The following DCC variants were observed in gnomAD, a reference collection of about 807,000 sequenced individuals.
The protein encoded by DCC is netrin receptor DCC.
In DCC, 58 loss-of-function variants were observed where a neutral mutation model predicts 172.5. The ratio of observed to expected loss-of-function variants is 0.34; its 90% confidence interval spans 0.27 to 0.42. The LOEUF (loss-of-function observed/expected upper bound fraction) is 0.42. Among genes scored for constraint, DCC ranks in the 10% least tolerant of loss-of-function variants. The pLI is 1.00. For synonymous variants in DCC, 709 were observed against 644.5 expected (o/e 1.10, Z -1.52); for missense variants, 1,740 against 1,791.0 (o/e 0.97, Z 0.51).
At chr18:52,383,896 A>T (rs1313004362) in intron 1 of DCC, among the ~76,000 whole-genome samples, 1 of 152,108 alleles carries the variant, frequency 6.6e-6, no homozygotes, top group Admixed American at 6.6e-5. Context: ...CTGGAACAGC[A>T]CCAACTCATT....
intron 25 of DCC, among the ~76,000 whole-genome samples, chr18:53,475,507 A>G (rs1177274747): frequency 6.6e-6 from 1 of 152,140 alleles, no homozygotes; most frequent in Non-Finnish European, 1.5e-5. Flanking sequence ...GCCAAAATAG[A>G]GCTCAGGTCT....
Position 52,416,168 on chromosome 18 carries a change from T to G in DCC, c.91+75290T>G, listed in dbSNP as rs529516581. On this transcript the variant is annotated intron_variant, in intron 1 of 28. Coordinates refer to ENST00000442544, the MANE Select transcript of DCC (RefSeq NM_005215.4). Reference sequence around the variant, plus strand: ...TCAGGAGCAGGTTGTTCAGTTTCCATGTAGTTGAGCAGTTTTGAGTGAGTT... The same window carrying G: ...TCAGGAGCAGGTTGTTCAGTTTCCAGGTAGTTGAGCAGTTTTGAGTGAGTT... Among the ~76,000 whole-genome samples the G allele has an allele frequency of 3.3e-5, 5 of 152,226 alleles. 1 individual carries two copies. In the South Asian group the frequency reaches 1.0e-3, roughly 31 times the overall value.
rs2144447728 is a variant in DCC, at chr18:53,499,526, G to T, written c.4111+16G>T. 1 of 1,599,434 alleles carries T rather than the reference G, an allele frequency of 6.3e-7. No individual in the cohort carries two copies. The highest frequency in any genetic ancestry group is 2.2e-5 in the East Asian group (1 of 44,802). The stretch of plus-strand genomic sequence containing the variant: ...TCTCAGCCAGGTAAAGTACTCGGTT[G>T]TTCACCTTTAAAATTCTTATTATTA... On this transcript the variant is annotated intron_variant, in intron 27 of 28. Coordinates refer to ENST00000442544, the MANE Select transcript of DCC (RefSeq NM_005215.4).
intron 21 of DCC, among the ~76,000 whole-genome samples, chr18:53,429,497 AT>A (rs1911468456): frequency 6.6e-6 from 1 of 151,956 alleles, no homozygotes; most frequent in Admixed American, 6.6e-5. Context: ...ATTTCTAAGG[AT>A]TTTTAAAAAA....
chr18:52,927,148 T>TGTATATATA (rs2040227412), intron 5 of DCC, among the ~76,000 whole-genome samples: 1 of 40,698 alleles, frequency 2.5e-5, no homozygotes, highest in Admixed American at 2.3e-4. Context: ...TGTATATATG[T>TGTATATATA]GTATATATAC....
chr18:53,519,836 A>G (rs552355766), intron 27 of DCC, among the ~76,000 whole-genome samples: 1 of 152,258 alleles, frequency 6.6e-6, no homozygotes, highest in South Asian at 2.1e-4. Context: ...CAAAAATTCT[A>G]TCATTTCTTA....
chr18:53,098,727 G>T (rs1375790950), intron 7 of DCC, among the ~76,000 whole-genome samples: 2 of 152,022 alleles, frequency 1.3e-5, no homozygotes, highest in South Asian at 4.1e-4. Context: ...TTGTTTTCTG[G>T]CTGGGAACAG....
At chr18:53,243,419 C>T (rs936302535) in intron 12 of DCC, among the ~76,000 whole-genome samples, 7 of 152,110 alleles carry the variant, frequency 4.6e-5, no homozygotes, top group Admixed American at 3.3e-4. Context: ...CTCCTTGTGC[C>T]AGACATTGAA....
chr18:52,771,168 A>G (rs1195827632), intron 2 of DCC, among the ~76,000 whole-genome samples: 2 of 152,204 alleles, frequency 1.3e-5, no homozygotes, highest in African/African-American at 4.8e-5. Context: ...ATGGCCCAGC[A>G]TTAGAGCTGG....
At chr18:53,336,775 T>G (rs753916824) in intron 14 of DCC, among the ~76,000 whole-genome samples, 22 of 151,608 alleles carry the variant, frequency 1.5e-4, no homozygotes, top group Non-Finnish European at 2.7e-4. Context: ...ACTAGGGAGG[T>G]TGAGGTGGGA....
chr18:53,119,221 G>A (rs2043449026), intron 7 of DCC, among the ~76,000 whole-genome samples: 1 of 151,748 alleles, frequency 6.6e-6, no homozygotes, highest in Admixed American at 6.6e-5. Context: ...TTTCATTGGC[G>A]TACATTCTTT....
chr18:52,663,712 T>TA lies in DCC; in HGVS notation c.92-88341dup, dbSNP rs148589128. On this transcript the variant is annotated intron_variant, in intron 1 of 28. Coordinates refer to ENST00000442544, the MANE Select transcript of DCC (RefSeq NM_005215.4). ...AGTAAAAGAAGAAGTATGTTTTGAA[T>TA]AGAGACAGAAAACTACATTCTCGCT... is the stretch of plus-strand genomic sequence containing the variant. Among the ~76,000 whole-genome samples the TA allele has an allele frequency of 6.4e-3, 974 of 152,258 alleles. 16 individuals carry two copies. Among genetic ancestry groups the TA allele is most frequent in the African/African-American group, 0.022 (927 of 41,544 alleles).
chr18:53,448,180 A>G (rs1163632358), intron 22 of DCC, among the ~76,000 whole-genome samples: 1 of 152,050 alleles, frequency 6.6e-6, no homozygotes, highest in Non-Finnish European at 1.5e-5. Flanking sequence ...AGCTATCACA[A>G]TGAGTATTTG....
intron 22 of DCC, among the ~76,000 whole-genome samples, chr18:53,439,642 A>G (rs1599152825): frequency 6.6e-6 from 1 of 152,200 alleles, no homozygotes; most frequent in African/African-American, 2.4e-5. Flanking sequence ...AAACCAAACT[A>G]TAGTTCATGT....
intron 5 of DCC, among the ~76,000 whole-genome samples, chr18:52,980,359 T>C (rs992917591): frequency 8.5e-5 from 13 of 152,184 alleles, no homozygotes; most frequent in African/African-American, 3.1e-4. Flanking sequence ...AATATCATAT[T>C]TTTGAAGGTG....
chr18:52,597,526 T>G (rs904324342), intron 1 of DCC, among the ~76,000 whole-genome samples: 1 of 152,178 alleles, frequency 6.6e-6, no homozygotes, highest in Non-Finnish European at 1.5e-5. Flanking sequence ...TTTTTTCTGT[T>G]CAACCTTCCT....
chr18:53,295,479 T>C (rs1054937540), intron 12 of DCC, among the ~76,000 whole-genome samples: 2 of 152,200 alleles, frequency 1.3e-5, no homozygotes, highest in Admixed American at 1.3e-4. Flanking sequence ...TAGATATTTA[T>C]GTTCTAGCTT....
chr18:52,892,945 G>T (rs998596794), intron 2 of DCC, among the ~76,000 whole-genome samples: 5 of 152,046 alleles, frequency 3.3e-5, no homozygotes, highest in South Asian at 2.1e-4. Flanking sequence ...TATTTCTGTT[G>T]GGATTTCTGG....
chr18:52,343,366 CTT>C (rs1259492090), intron 1 of DCC, among the ~76,000 whole-genome samples: 1 of 152,176 alleles, frequency 6.6e-6, no homozygotes, highest in African/African-American at 2.4e-5. Flanking sequence ...GTTTTAAAGA[CTT>C]TGTTGATTGG....
Sources: allele counts gnomAD v4.1 joint callset (sites outside exome capture counted in the v4.1 genomes callset), GRCh38; gene constraint gnomAD v4.1.1; transcripts MANE v1.5; gene names NCBI Gene and HGNC (gene_info 2026-07-23, HGNC 2026-07-21).